The following RAB27A variants were observed in gnomAD, a reference collection of about 807,000 sequenced individuals.
RAB27A encodes RAB27A, member RAS oncogene family, also known as ras-related protein Rab-27A.
In RAB27A, 17 loss-of-function variants were observed where a neutral mutation model predicts 20.8. That is an observed-to-expected ratio of 0.82 (90% CI 0.56 to 1.23). The LOEUF is 1.23. Among genes scored for constraint, RAB27A ranks in the 50% most tolerant of loss-of-function variants. The pLI, the probability that RAB27A is intolerant of heterozygous loss-of-function variation, is 0.00. For synonymous variants in RAB27A, 85 were observed against 92.8 expected (o/e 0.92, Z 0.48); for missense variants, 277 against 266.7 (o/e 1.04, Z -0.27).
chr15:55,299,826 C>CTTT (rs1189966751), intron 2 of RAB27A, among the ~76,000 whole-genome samples: 2 of 142,482 alleles, frequency 1.4e-5, no homozygotes, highest in Non-Finnish European at 1.5e-5. Flanking sequence ...CTTTTTTTTT[C>CTTT]TTTTTTTTTT....
intron 2 of RAB27A, among the ~76,000 whole-genome samples, chr15:55,254,682 G>A (rs1213534227): frequency 6.6e-6 from 1 of 152,064 alleles, no homozygotes; most frequent in African/African-American, 2.4e-5. Flanking sequence ...GTAGGAGACA[G>A]AAACTCACAA....
chr15:55,212,267 A>T (rs1168736491), intron 6 of RAB27A, among the ~76,000 whole-genome samples: 2 of 152,194 alleles, frequency 1.3e-5, no homozygotes, highest in Non-Finnish European at 2.9e-5. Context: ...AAAGTAGCAG[A>T]GTTAGGATTT....
At chr15:55,226,642 C>T (rs908995375) in intron 5 of RAB27A, among the ~76,000 whole-genome samples, 5 of 151,560 alleles carry the variant, frequency 3.3e-5, no homozygotes, top group Non-Finnish European at 5.9e-5. Flanking sequence ...GGCTGAGGCG[C>T]GTGGATCACC....
chr15:55,296,984 ATTATT>A (rs995131922), intron 2 of RAB27A, among the ~76,000 whole-genome samples: 12 of 152,362 alleles, frequency 7.9e-5, no homozygotes, highest in African/African-American at 2.9e-4. Flanking sequence ...TCATAATATA[ATTATT>A]TTATCTGGGA....
Position 55,223,925 on chromosome 15 carries a change from T to C in RAB27A, c.431A>G (p.Lys144Arg). The change falls in exon 6 of 7, where the codon AAA (lysine) becomes AGA (arginine). Residue 144 changes from lysine (K) to arginine (R), a missense_variant. Transcript: ENST00000336787. ...TGCGAGTGCTATGGCTTCCTCCTCT[T>C]TCACTACTCTCTGGTCCTCCAGATC... ...KSDLEDQRVV[K>R]EEEAIALAEK... 1 of 1,613,976 alleles carries C rather than the reference T, an allele frequency of 6.2e-7. No homozygotes were observed. Among genetic ancestry groups the C allele is most frequent in the Non-Finnish European group, 8.5e-7 (1 of 1,179,938 alleles).
chr15:55,220,365 G>C (rs139148205), intron 6 of RAB27A, among the ~76,000 whole-genome samples: 1,536 of 152,218 alleles, frequency 0.01, 25 homozygotes, highest in African/African-American at 0.035. Context: ...CCTTACCAGG[G>C]TTCAAGCGAT....
rs982061179 is a variant in RAB27A, at chr15:55,289,763, G to T, written c.-190C>A. The T allele has an allele frequency of 6.5e-6, 1 of 153,072 alleles. No individual in the cohort carries two copies. Among genetic ancestry groups the T allele is most frequent in the Non-Finnish European group, 1.5e-5 (1 of 68,820 alleles). 9.5% of individuals were successfully genotyped at this position (153,072 alleles called of 1,614,324 possible). ...CCCCGCCTGGCTCGGGTCCTCGCGC[G>T]CCGCGTCCACCCGCCGCCGGCCTTT... is the stretch of plus-strand genomic sequence containing the variant. On this transcript the variant is annotated 5_prime_UTR_variant, in exon 1 of 7. Coordinates refer to ENST00000336787, the MANE Select transcript of RAB27A (RefSeq NM_183235.3).
At chr15:55,215,921 G>C (rs1895276309) in intron 6 of RAB27A, among the ~76,000 whole-genome samples, 1 of 142,988 alleles carries the variant, frequency 7.0e-6, no homozygotes, top group Admixed American at 7.9e-5. Context: ...ACTCAAGGCT[G>C]GGCAACAGAG....
At chr15:55,244,015 G>A (rs1025714183) in intron 2 of RAB27A, among the ~76,000 whole-genome samples, 1 of 151,824 alleles carries the variant, frequency 6.6e-6, no homozygotes, top group African/African-American at 2.4e-5. Context: ...AAAGTGTGAA[G>A]CTTGGGCGGG....
intron 2 of RAB27A, among the ~76,000 whole-genome samples, chr15:55,235,962 G>A (rs1896238898): frequency 1.3e-5 from 2 of 152,134 alleles, no homozygotes; most frequent in South Asian, 4.2e-4. Context: ...GTGAAGCTAT[G>A]AGGAAGCAAA....
chr15:55,285,311 CA>C (rs34110185), intron 1 of RAB27A, among the ~76,000 whole-genome samples: 6,720 of 95,878 alleles, frequency 0.07, 187 homozygotes, highest in Admixed American at 0.083. Flanking sequence ...AACAAACAAC[CA>C]AAAAAAAAAA....
chr15:55,312,550 C>T (rs1045439697), intron 2 of RAB27A, among the ~76,000 whole-genome samples: 5 of 152,144 alleles, frequency 3.3e-5, no homozygotes, highest in African/African-American at 9.7e-5. Context: ...ACATCCTCAA[C>T]AGCACTTGTA....
At chr15:55,273,353 G>A (rs1315611650) in intron 1 of RAB27A, among the ~76,000 whole-genome samples, 1 of 150,086 alleles carries the variant, frequency 6.7e-6, no homozygotes, top group Non-Finnish European at 1.5e-5. Flanking sequence ...AGGTTGCAGT[G>A]AGCCAAGATC....
At chr15:55,244,961 T>C (rs922201404) in intron 2 of RAB27A, among the ~76,000 whole-genome samples, 1 of 152,292 alleles carries the variant, frequency 6.6e-6, no homozygotes, top group South Asian at 2.1e-4. Context: ...AATAATGCCA[T>C]TGTGGACCCA....
chr15:55,208,508 C>T (rs1894760992), intron 6 of RAB27A, among the ~76,000 whole-genome samples: 1 of 152,176 alleles, frequency 6.6e-6, no homozygotes, highest in South Asian at 2.1e-4. Flanking sequence ...TGCCATCCTC[C>T]ACATGTCAGC....
intron 1 of RAB27A, among the ~76,000 whole-genome samples, chr15:55,287,320 T>C (rs1036347444): frequency 1.3e-5 from 2 of 152,182 alleles, no homozygotes; most frequent in East Asian, 1.9e-4. Context: ...TTCACTAAGA[T>C]GGAGAAGACT....
At chr15:55,280,988 A>G (rs1362199089) in intron 1 of RAB27A, among the ~76,000 whole-genome samples, 1 of 152,218 alleles carries the variant, frequency 6.6e-6, no homozygotes, top group East Asian at 1.9e-4. Flanking sequence ...GTGTCTCTAT[A>G]GTAGCATGAT....
chr15:55,304,096 C>G (rs149823751), intron 2 of RAB27A, among the ~76,000 whole-genome samples: 2,591 of 152,232 alleles, frequency 0.017, 70 homozygotes, highest in African/African-American at 0.059. Flanking sequence ...ACATGGGAGA[C>G]TTTTCATTTT....
At chr15:55,235,402 T>C (rs112006311) in intron 2 of RAB27A, among the ~76,000 whole-genome samples, 1,614 of 151,818 alleles carry the variant, frequency 0.011, 36 homozygotes, top group African/African-American at 0.037. Flanking sequence ...GAGCCAAGAT[T>C]GCGCCATTGC....
Sources: allele counts gnomAD v4.1 joint callset (sites outside exome capture counted in the v4.1 genomes callset), GRCh38; gene constraint gnomAD v4.1.1; transcripts MANE v1.5; gene names NCBI Gene and HGNC (gene_info 2026-07-23, HGNC 2026-07-21).